The following SULT1C3 variants were observed in gnomAD, a reference collection of about 807,000 sequenced individuals.
The protein encoded by SULT1C3 is sulfotransferase family 1C member 3.
In SULT1C3, 31 loss-of-function variants were observed where a neutral mutation model predicts 28.4. The observed-to-expected ratio is 1.09, with a 90% CI of 0.82 to 1.47. The LOEUF is 1.47. Ranked by LOEUF, SULT1C3 falls within the 40% of genes most tolerant of loss-of-function variation. The probability of loss-of-function intolerance (pLI) is 0.00; values close to 1 mark genes in which losing one functional copy is unlikely to be tolerated. For synonymous variants in SULT1C3, 106 were observed against 92.2 expected, an observed-to-expected ratio of 1.15 and a Z score of -0.86; for missense variants, 307 against 272.5, an observed-to-expected ratio of 1.13 and a Z score of -0.89.
intron 5 of SULT1C3, among the ~76,000 whole-genome samples, chr2:108,258,410 T>C (rs1014517666): frequency 2.0e-5 from 3 of 152,100 alleles, no homozygotes; most frequent in African/African-American, 7.2e-5. Flanking sequence ...AGGAGGACCC[T>C]ACCCATTTAT....
chr2:108,247,502 A>G, intron 2 of SULT1C3, 136 bp downstream of exon 2: 5 of 820,630 alleles, frequency 6.1e-6, no homozygotes, highest in Non-Finnish European at 8.7e-6. Context: ...TTGGTGCTGC[A>G]GGACATTTAG....
chr2:108,252,385 A>C lies in SULT1C3; in HGVS notation c.193A>C (p.Ile65Leu). Reference protein sequence around the residue: ...PKSGTTWMHEILDMILNDGDV... With the variant: ...PKSGTTWMHELLDMILNDGDV... ...TTCAGGTACAACATGGATGCATGAA[A>C]TTTTAGACATGATTCTAAATGATGG... The change falls in exon 3 of 8, where the codon ATT becomes CTT. Residue 65 changes from isoleucine (I) to leucine (L), a missense_variant. Physicochemically the swap from Ile to Leu is conservative, Grantham distance 5 (BLOSUM62 2). Transcript: ENST00000681802. 1 of 1,610,466 alleles carries C rather than the reference A, an allele frequency of 6.2e-7. No individual in the cohort carries two copies. Among genetic ancestry groups the C allele is most frequent in the Non-Finnish European group, 8.5e-7 (1 of 1,178,020 alleles).
At chr2:108,252,577 G>A (rs1189498543) in intron 3 of SULT1C3, 84 bp downstream of exon 3, 1 of 1,447,112 alleles carries the variant, frequency 6.9e-7, no homozygotes, top group Non-Finnish European at 9.4e-7. Flanking sequence ...AGCATCCGTG[G>A]TAGCCAGAAG....
rs868519318 is a variant in SULT1C3, at chr2:108,255,685, C to T, written c.513C>T (p.Phe171=). 6.2e-7 allele frequency: 1 copy of T among 1,610,486 alleles called. No homozygotes were observed. The highest frequency in any genetic ancestry group is 8.5e-7 in the Non-Finnish European group (1 of 1,177,682). ...ACTTAGAGGAATTTTATGAGAAATT[C>T]ATGTCCGGAAAAGGTGAGTTCAAAC... The part of the protein sequence containing the change: ...PQNLEEFYEK[F]MSGKVVGGSW... Residue 171 remains phenylalanine (F), a synonymous_variant, in exon 5 of 8, where the codon TTC becomes TTT. Coordinates refer to ENST00000681802, the MANE Select transcript of SULT1C3 (RefSeq NM_001320878.2).
downstream of SULT1C3, chr2:108,265,288 A>T: frequency 6.2e-7 from 1 of 1,613,984 alleles, no homozygotes. Flanking sequence ...AAAATGAAGA[A>T]TTTGACAAGG....
intron 1 of SULT1C3, among the ~76,000 whole-genome samples, chr2:108,246,559 T>C (rs1392090982): frequency 6.6e-6 from 1 of 152,102 alleles, no homozygotes; most frequent in Non-Finnish European, 1.5e-5. Flanking sequence ...CCAGAGTTAG[T>C]AGACATGAGA....
chr2:108,259,532 G>A (rs546989187), intron 7 of SULT1C3, among the ~76,000 whole-genome samples: 1 of 152,144 alleles, frequency 6.6e-6, no homozygotes, highest in East Asian at 1.9e-4. Context: ...GAGCAGCTTT[G>A]AACACTCATC....
downstream of SULT1C3, among the ~76,000 whole-genome samples, chr2:108,264,349 T>C (rs1405772485): frequency 6.6e-6 from 1 of 152,208 alleles, no homozygotes; most frequent in Non-Finnish European, 1.5e-5. Flanking sequence ...GAGATTCCTT[T>C]TATTCCTCCT....
chr2:108,242,282 T>G (rs935353412), intron 1 of SULT1C3, among the ~76,000 whole-genome samples: 5 of 152,228 alleles, frequency 3.3e-5, no homozygotes, highest in African/African-American at 4.8e-5. Context: ...GAGCTCTTTT[T>G]GCAGACATTA....
chr2:108,259,307 T>C (rs911241427), intron 7 of SULT1C3, among the ~76,000 whole-genome samples, 161 bp downstream of exon 7: 1 of 152,092 alleles, frequency 6.6e-6, no homozygotes, highest in Non-Finnish European at 1.5e-5. Flanking sequence ...CCAATGTCAG[T>C]GGTTCTGAAA....
chr2:108,246,893 G>T (rs1675595337), intron 1 of SULT1C3, among the ~76,000 whole-genome samples: 1 of 151,828 alleles, frequency 6.6e-6, no homozygotes, highest in South Asian at 2.1e-4. Flanking sequence ...AGACTATTTG[G>T]GTATAAATCT....
At position 108,249,017 on chromosome 2, in the gene SULT1C3, AAC is replaced by A. The variant is rs575166060; in HGVS notation, c.172+1653_172+1654del. 3.5e-4 allele frequency among the ~76,000 whole-genome samples: 54 copies of A among 152,282 alleles called. No homozygotes were observed. In the South Asian group the frequency reaches 0.011, roughly 31 times the overall value. ...TGATGAAGAGAGAAAGTATCAACAA[AAC>A]AGTTATCTCAATACTACAGCCACAA... On this transcript the variant is annotated intron_variant, in intron 2 of 7. Coordinates refer to ENST00000681802, the MANE Select transcript of SULT1C3 (RefSeq NM_001320878.2).
chr2:108,260,758 C>T lies in SULT1C3; in HGVS notation c.*78C>T. 2.3e-6 allele frequency: 1 copy of T among 429,168 alleles called. No individual in the cohort carries two copies. Among genetic ancestry groups the T allele is most frequent in the Non-Finnish European group, 4.7e-6 (1 of 212,642 alleles). The allele number at this position is 429,168 out of a possible 1,614,324, so 26.6% of individuals were successfully genotyped here. A position where few individuals can be genotyped will look rare whatever the true frequency, so the allele number is the denominator to read the frequency against. The stretch of plus-strand genomic sequence containing the variant: ...TATTCTGTTGAGCAAGGAACTGTGA[C>T]TGAATGTGGAGCTTATGAGCTTCAG... On this transcript the variant is annotated 3_prime_UTR_variant, in exon 8 of 8. Transcript: ENST00000681802.
intron 2 of SULT1C3, among the ~76,000 whole-genome samples, chr2:108,248,018 G>A (rs1415003830): frequency 6.6e-6 from 1 of 152,246 alleles, no homozygotes; most frequent in South Asian, 2.1e-4. Flanking sequence ...CCACTCTTGG[G>A]AATAGAATAT....
downstream of SULT1C3, among the ~76,000 whole-genome samples, chr2:108,264,229 C>T (rs945487606): frequency 1.3e-5 from 2 of 152,180 alleles, no homozygotes; most frequent in African/African-American, 4.8e-5. Context: ...ACAAAACTAG[C>T]ATCTGAGATG....
chr2:108,242,878 A>G (rs1405264252), intron 1 of SULT1C3, among the ~76,000 whole-genome samples: 1 of 152,196 alleles, frequency 6.6e-6, no homozygotes, highest in African/African-American at 2.4e-5. Flanking sequence ...AAAATAGAGA[A>G]AAATAATTCA....
intron 1 of SULT1C3, among the ~76,000 whole-genome samples, chr2:108,246,419 C>G (rs1357321459): frequency 6.6e-6 from 1 of 152,094 alleles, no homozygotes; most frequent in Non-Finnish European, 1.5e-5. Flanking sequence ...CTGGGGAAGC[C>G]TCACAGTCAT....
At chr2:108,254,923 A>T (rs1473532337) in intron 4 of SULT1C3, among the ~76,000 whole-genome samples, 1 of 151,826 alleles carries the variant, frequency 6.6e-6, no homozygotes, top group East Asian at 1.9e-4. Flanking sequence ...ACAAATATCA[A>T]GGAACTAGCT....
At chr2:108,254,039 G>T (rs893487827) in intron 4 of SULT1C3, among the ~76,000 whole-genome samples, 1 of 151,830 alleles carries the variant, frequency 6.6e-6, no homozygotes, top group Non-Finnish European at 1.5e-5. Flanking sequence ...TTGTCAGCCT[G>T]CCTCTAGACC....
Sources: allele counts gnomAD v4.1 joint callset (sites outside exome capture counted in the v4.1 genomes callset), GRCh38; gene constraint gnomAD v4.1.1; transcripts MANE v1.5; gene names NCBI Gene and HGNC (gene_info 2026-07-23, HGNC 2026-07-21).